Variants in SCMH1 observed in about 807,000 individuals in gnomAD.
The protein encoded by SCMH1 is Scm polycomb group protein homolog 1.
In SCMH1, 37 loss-of-function variants were observed where a neutral mutation model predicts 70.8. That is an observed-to-expected ratio of 0.52 (90% CI 0.40 to 0.69). The LOEUF (loss-of-function observed/expected upper bound fraction) is 0.69. SCMH1 is among the 30% of genes least tolerant of loss of function. SCMH1 has a pLI of 0.00. For missense variants in SCMH1, 607 were observed against 827.3 expected (o/e 0.73, Z 3.27); for synonymous variants, 292 against 307.4 (o/e 0.95, Z 0.52).
chr1:41,144,583 G>T (rs1301443970), intron 5 of SCMH1, among the ~76,000 whole-genome samples: 8 of 152,044 alleles, frequency 5.3e-5, no homozygotes. Context: ...ATATTTTTCT[G>T]TGGACATGTT....
intron 10 of SCMH1, among the ~76,000 whole-genome samples, chr1:41,058,049 G>C (rs1259503920): frequency 6.7e-6 from 1 of 150,226 alleles, no homozygotes; most frequent in African/African-American, 2.5e-5. Context: ...CTGAGTGTGG[G>C]AAGCTGAGGC....
chr1:41,150,915 C>A (rs1274190752), intron 5 of SCMH1, among the ~76,000 whole-genome samples: 1 of 118,282 alleles, frequency 8.5e-6, no homozygotes, highest in Non-Finnish European at 1.6e-5. Flanking sequence ...CCAGTCTGGG[C>A]GACAGAGTGA....
At chr1:41,149,439 T>G (rs1050731524) in intron 5 of SCMH1, among the ~76,000 whole-genome samples, 3 of 152,214 alleles carry the variant, frequency 2.0e-5, no homozygotes, top group Non-Finnish European at 4.4e-5. Context: ...TTGTCTGCTA[T>G]TCTATGATCT....
intron 10 of SCMH1, among the ~76,000 whole-genome samples, chr1:41,056,174 CTT>C (rs1204808000): frequency 1.3e-5 from 2 of 152,144 alleles, no homozygotes; most frequent in Non-Finnish European, 2.9e-5. Flanking sequence ...CTTCCTATCT[CTT>C]GAGAAACTTG....
chr1:41,105,927 T>G (rs1292883370), intron 8 of SCMH1, among the ~76,000 whole-genome samples: 1 of 151,154 alleles, frequency 6.6e-6, no homozygotes, highest in Non-Finnish European at 1.5e-5. Context: ...CAGGCTGGAG[T>G]GCAGTGGCAC....
At chr1:41,208,817 A>G (rs1301184737) in intron 1 of SCMH1, among the ~76,000 whole-genome samples, 1 of 152,208 alleles carries the variant, frequency 6.6e-6, no homozygotes, top group African/African-American at 2.4e-5. Context: ...CAATTAAAAG[A>G]ACTAGAGAGG....
chr1:41,188,232 G>A (rs141687577), intron 1 of SCMH1, among the ~76,000 whole-genome samples: 5 of 152,250 alleles, frequency 3.3e-5, no homozygotes, highest in African/African-American at 7.2e-5. Context: ...CATAGACTAC[G>A]AATATCCAAA....
At chr1:41,168,869 T>G (rs932176215) in intron 2 of SCMH1, among the ~76,000 whole-genome samples, 1 of 152,134 alleles carries the variant, frequency 6.6e-6, no homozygotes, top group Non-Finnish European at 1.5e-5. Context: ...CCACATTCCA[T>G]CAATACCCCC....
In SCMH1 at chr1:41,112,273, T is replaced by A. The variant is rs182721478; in HGVS notation, c.745+1010A>T. Among the ~76,000 whole-genome samples the A allele has an allele frequency of 3.6e-3, 553 of 152,310 alleles. 3 individuals are homozygous for A. The highest frequency in any genetic ancestry group is 0.012 in the African/African-American group (512 of 41,582). On this transcript the variant is annotated intron_variant, in intron 8 of 14. Coordinates refer to ENST00000337495, the Ensembl canonical transcript of SCMH1. ...CTTACAATTAGGTGCTCAATAAATA[T>A]TTGGCTAATTGAATGAATGAATTCA...
chr1:41,113,362 G>A lies in SCMH1; in HGVS notation c.666C>T (p.Cys222=), dbSNP rs1669698833. The change falls in exon 8 of 15, where the codon TGC becomes TGT. Residue 222 remains cysteine, a synonymous_variant. Transcript: ENST00000337495. This position sits in a 1 kb window ranked among gnomAD's most constrained non-coding sequence, Gnocchi z 4.3. Reference sequence around the variant, plus strand: ...GGAAGATGTCTCGGGAGTCGAAGCGGCACCAGTAGTCAAAGGCCCCTCGCC... The same window carrying A: ...GGAAGATGTCTCGGGAGTCGAAGCGACACCAGTAGTCAAAGGCCCCTCGCC... 1 of 1,613,996 alleles carries A rather than the reference G, an allele frequency of 6.2e-7. No individual in the cohort carries two copies. The highest frequency in any genetic ancestry group is 8.5e-7 in the Non-Finnish European group (1 of 1,179,964).
intron 6 of SCMH1, among the ~76,000 whole-genome samples, chr1:41,120,496 CTT>C (rs1671658335): frequency 6.6e-6 from 1 of 152,126 alleles, no homozygotes; most frequent in African/African-American, 2.4e-5. Context: ...GGATACCAAA[CTT>C]TGTGGTTCTT....
intron 6 of SCMH1, among the ~76,000 whole-genome samples, chr1:41,137,692 G>C (rs1251736264): frequency 6.6e-6 from 1 of 152,104 alleles, no homozygotes; most frequent in Non-Finnish European, 1.5e-5. Flanking sequence ...GGAGTTCCTA[G>C]CAAGTTCCAC....
chr1:41,152,716 T>C lies in SCMH1; in HGVS notation c.107-1032A>G, dbSNP rs1249674033. On this transcript the variant is annotated intron_variant, in intron 4 of 14. Coordinates refer to ENST00000337495, the Ensembl canonical transcript of SCMH1. ...TGTAGTGGAGCAGCACAGAGCCCCT[T>C]TGGGCCATGCAAAAAGCACTAGATG... 6 of 1,611,482 alleles carry C rather than the reference T, an allele frequency of 3.7e-6. No individual in the cohort carries two copies. In the African/African-American group the frequency reaches 6.7e-5, roughly 18 times the overall value.
At chr1:41,142,541 T>C (rs1644194013) in intron 6 of SCMH1, among the ~76,000 whole-genome samples, 1 of 152,190 alleles carries the variant, frequency 6.6e-6, no homozygotes, top group African/African-American at 2.4e-5. Flanking sequence ...GTCATTATGA[T>C]AGGATTTGGT....
chr1:41,089,942 C>A (rs1662920709), intron 8 of SCMH1, among the ~76,000 whole-genome samples: 1 of 151,872 alleles, frequency 6.6e-6, no homozygotes. Flanking sequence ...CAGGCATGTG[C>A]CACCATGCCT....
chr1:41,053,728 C>T (rs1649122065), intron 10 of SCMH1, among the ~76,000 whole-genome samples: 2 of 152,208 alleles, frequency 1.3e-5, no homozygotes, highest in Admixed American at 1.3e-4. Context: ...ACACACATGG[C>T]ATTGGCTCTG....
intron 8 of SCMH1, among the ~76,000 whole-genome samples, chr1:41,077,996 ATG>A (rs1658881131): frequency 6.6e-6 from 1 of 152,196 alleles, no homozygotes; most frequent in African/African-American, 2.4e-5. Flanking sequence ...CATAATTAAA[ATG>A]TTAAAATGTA....
At chr1:41,080,565 A>G (rs1659692039) in intron 8 of SCMH1, among the ~76,000 whole-genome samples, 2 of 152,308 alleles carry the variant, frequency 1.3e-5, no homozygotes. Flanking sequence ...AACATGCAGG[A>G]TAATATATCA....
intron 1 of SCMH1, among the ~76,000 whole-genome samples, chr1:41,203,065 T>C (rs1654733289): frequency 6.6e-6 from 1 of 152,086 alleles, no homozygotes. Flanking sequence ...TAATAATGCA[T>C]TTTATTTAAC....
Sources: gnomAD v4.1 joint callset for allele counts (sites outside exome capture counted in the v4.1 genomes callset) on GRCh38, gnomAD v4.1.1 for gene constraint, Gnocchi (gnomAD v3.1) non-coding constraint, MANE v1.5 for transcripts, NCBI Gene and HGNC (gene_info 2026-07-23, HGNC 2026-07-21) for gene names.